Variants in WDR59 observed in about 807,000 individuals in gnomAD.
The protein encoded by WDR59 is WD repeat domain 59.
WDR59 carries 100 observed loss-of-function variants against 131.2 expected under a neutral mutation model. The ratio of observed to expected loss-of-function variants is 0.76; its 90% confidence interval spans 0.65 to 0.90. The LOEUF is 0.90. Ranked by LOEUF, WDR59 falls within the 40% of genes least tolerant of loss-of-function variation. The pLI is 0.00. For synonymous variants in WDR59, 601 were observed against 466.2 expected (o/e 1.29, Z -3.72); for missense variants, 1,203 against 1,262.2 (o/e 0.95, Z 0.71).
chr16:74,902,366 C>A (rs1965594099), intron 18 of WDR59, among the ~76,000 whole-genome samples: 1 of 152,148 alleles, frequency 6.6e-6, no homozygotes, highest in African/African-American at 2.4e-5. Flanking sequence ...CCTGCAGATA[C>A]TATCAGATAT....
At chr16:74,953,662 C>T (rs1258671710) in intron 3 of WDR59, among the ~76,000 whole-genome samples, 1 of 152,100 alleles carries the variant, frequency 6.6e-6, no homozygotes, top group African/African-American at 2.4e-5. Flanking sequence ...ATATAAAGAA[C>T]TCCTACAACT....
intron 6 of WDR59, among the ~76,000 whole-genome samples, chr16:74,947,266 T>C (rs1165907292): frequency 1.3e-5 from 2 of 152,110 alleles, no homozygotes; most frequent in African/African-American, 4.8e-5. Flanking sequence ...TTGACCAACG[T>C]GGAGAAACCC....
At chr16:74,922,418 T>G (rs575314630) in intron 9 of WDR59, among the ~76,000 whole-genome samples, 1 of 152,312 alleles carries the variant, frequency 6.6e-6, no homozygotes, top group Non-Finnish European at 1.5e-5. Flanking sequence ...CTAGCTACTC[T>G]CCATGAGTTA....
chr16:74,915,809 G>T, intron 13 of WDR59, 61 bp downstream of exon 13: 1 of 1,604,562 alleles, frequency 6.2e-7, no homozygotes, highest in Non-Finnish European at 8.5e-7. Context: ...TTGCTGAAAT[G>T]GTTCCCTCTC....
rs529947892 is a variant in WDR59 at position 74,874,555 on chromosome 16, A to C, written c.2690-111T>G. 2.1e-4 allele frequency: 171 copies of C among 814,400 alleles called. 1 individual carries two copies. In the African/African-American group the frequency reaches 2.6e-3, roughly 13 times the overall value. 50.4% of individuals were successfully genotyped at this position (814,400 alleles called of 1,614,324 possible). ...AGTCTTCCTCTCAAGACTCTAGCAG[A>C]TTCTCTTAGACCAGTGGTTTTCATT... is the stretch of plus-strand genomic sequence containing the variant. On this transcript the variant is annotated intron_variant, in intron 25 of 25. Transcript: ENST00000262144.
intron 25 of WDR59, among the ~76,000 whole-genome samples, chr16:74,878,563 T>C (rs1964327438): frequency 6.7e-6 from 1 of 148,566 alleles, no homozygotes; most frequent in Admixed American, 6.9e-5. Context: ...GGAGAACTGC[T>C]TGAACCTGGG....
intron 25 of WDR59, among the ~76,000 whole-genome samples, chr16:74,875,515 A>G (rs1026848188): frequency 2.6e-5 from 4 of 151,444 alleles, no homozygotes; most frequent in African/African-American, 9.7e-5. Context: ...TTGGCTCTCA[A>G]TTTTCTCTCT....
chr16:74,897,261 G>A (rs1250276338), intron 18 of WDR59, among the ~76,000 whole-genome samples: 1 of 152,184 alleles, frequency 6.6e-6, no homozygotes, highest in Non-Finnish European at 1.5e-5. Context: ...TCATAGCGGG[G>A]CAGGCCAGAT....
At chr16:74,897,701 A>C (rs1464875682) in intron 18 of WDR59, among the ~76,000 whole-genome samples, 1 of 152,208 alleles carries the variant, frequency 6.6e-6, no homozygotes, top group East Asian at 1.9e-4. Context: ...CCGGAACCAA[A>C]CTGTAAAAGC....
At chr16:74,946,652 G>C (rs909222497) in intron 6 of WDR59, among the ~76,000 whole-genome samples, 2 of 152,100 alleles carry the variant, frequency 1.3e-5, no homozygotes, top group Non-Finnish European at 2.9e-5. Flanking sequence ...AACAACAGGA[G>C]GTGGAGGTTG....
intron 18 of WDR59, 133 bp from the exon 19 acceptor site, chr16:74,893,945 A>T: frequency 9.9e-7 from 1 of 1,008,396 alleles, no homozygotes; most frequent in East Asian, 2.4e-5. Flanking sequence ...AATTATGGGA[A>T]TCAGCATCTG....
intron 1 of WDR59, among the ~76,000 whole-genome samples, chr16:74,972,869 C>A (rs1226677472): frequency 6.9e-6 from 1 of 144,926 alleles, no homozygotes. Context: ...CAGACTAAAG[C>A]CACAAACTGA....
intron 25 of WDR59, among the ~76,000 whole-genome samples, chr16:74,876,077 T>G (rs1048127291): frequency 6.6e-6 from 1 of 152,136 alleles, no homozygotes; most frequent in African/African-American, 2.4e-5. Flanking sequence ...CCACCTCTCC[T>G]TCCCTCTTAC....
Position 74,909,603 on chromosome 16 carries a change from G to C in WDR59, c.1540C>G (p.Pro514Ala), listed in dbSNP as rs745431481. The change falls in exon 16 of 26, where the codon CCC becomes GCC. Residue 514 changes from proline (P) to alanine (A), a missense_variant. Pro to Ala is a conservative substitution (Grantham distance 27). Transcript: ENST00000262144. The stretch of plus-strand genomic sequence containing the variant: ...ACCCGCGCAAACGTCGGTAAGGGGG[G>C]AGTGACAGAGTTGGGGAGTGCAAAC... ...NPFALPNSVT[P>A]PLPTFARVTT... 4 of 1,608,804 alleles carry C rather than the reference G, an allele frequency of 2.5e-6. No homozygotes were observed. The highest frequency in any genetic ancestry group is 2.7e-5 in the African/African-American group (2 of 74,578).
At chr16:74,962,348 A>G (rs954389983) in intron 2 of WDR59, among the ~76,000 whole-genome samples, 3 of 152,270 alleles carry the variant, frequency 2.0e-5, no homozygotes, top group Non-Finnish European at 4.4e-5. Flanking sequence ...TAATGTGAAC[A>G]GCATTGAATC....
rs1965695997 is a variant in WDR59, at chr16:74,904,247, C to T, written c.1713-147G>A. 7.8e-6 allele frequency: 7 copies of T among 896,654 alleles called. No individual in the cohort carries two copies. In the Admixed American group the frequency reaches 1.0e-4, roughly 13 times the overall value. The allele number at this position is 896,654 out of a possible 1,614,324, so 55.5% of individuals were successfully genotyped here. On this transcript the variant is annotated intron_variant, in intron 17 of 25. Transcript: ENST00000262144. Reference sequence around the variant, plus strand: ...AAAGAAGTCAATAAAACTTTTAACACTGAAAAATGCTTTATCTGCACAAGC... The same window carrying T: ...AAAGAAGTCAATAAAACTTTTAACATTGAAAAATGCTTTATCTGCACAAGC...
In WDR59 at chr16:74,889,947, A is replaced by G. The variant is rs942985812; in HGVS notation, c.2083-132T>C. ...TGGGGGCAGCAAAAGCTGGATCCTTATTGAAATGCATAAGTTTAGGCCCCA... is the reference window on the plus strand; with the variant it reads ...TGGGGGCAGCAAAAGCTGGATCCTTGTTGAAATGCATAAGTTTAGGCCCCA... On this transcript the variant is annotated intron_variant, in intron 20 of 25. Transcript: ENST00000262144. 2.8e-5 allele frequency: 17 copies of G among 608,016 alleles called. 1 individual carries two copies. The highest frequency in any genetic ancestry group is 5.7e-5 in the East Asian group (2 of 35,366). 37.7% of individuals were successfully genotyped at this position (608,016 alleles called of 1,614,324 possible).
intron 1 of WDR59, among the ~76,000 whole-genome samples, chr16:74,976,373 A>C (rs1421639628): frequency 1.3e-5 from 2 of 152,130 alleles, no homozygotes; most frequent in East Asian, 1.9e-4. Context: ...TTTCAATTTC[A>C]AGATAAAAGA....
chr16:74,957,013 T>C (rs1056342203), intron 2 of WDR59, among the ~76,000 whole-genome samples: 2 of 152,214 alleles, frequency 1.3e-5, no homozygotes, highest in African/African-American at 4.8e-5. Context: ...GACTAATAAT[T>C]TAAGGCTCTT....
Sources: gnomAD v4.1 joint callset for allele counts (sites outside exome capture counted in the v4.1 genomes callset) on GRCh38, gnomAD v4.1.1 for gene constraint, MANE v1.5 for transcripts, NCBI Gene and HGNC (gene_info 2026-07-23, HGNC 2026-07-21) for gene names.